Variants in GDAP1L1 observed in about 807,000 individuals in gnomAD.
GDAP1L1 encodes ganglioside induced differentiation associated protein 1 like 1, also known as ganglioside-induced differentiation-associated protein 1-like 1.
Under a neutral mutation model 37.1 loss-of-function variants are expected in GDAP1L1, and 21 were observed. The observed-to-expected ratio is 0.57, with a 90% CI of 0.40 to 0.81. The LOEUF (loss-of-function observed/expected upper bound fraction) is 0.81. GDAP1L1 is among the 40% of genes least tolerant of loss of function. The probability of loss-of-function intolerance (pLI) is 0.00; values close to 1 mark genes in which losing one functional copy is unlikely to be tolerated. For synonymous variants in GDAP1L1, 193 were observed against 209.1 expected, an observed-to-expected ratio of 0.92 and a Z score of 0.67; for missense variants, 362 against 491.6, an observed-to-expected ratio of 0.74 and a Z score of 2.49.
At chr20:44,258,977 A>C in intron 3 of GDAP1L1, among the ~76,000 whole-genome samples, 1 of 143,144 alleles carries the variant, frequency 7.0e-6, no homozygotes, top group Admixed American at 7.3e-5. Context: ...CCCCCCCCAT[A>C]CACAGACTAT....
chr20:44,272,721 T>C (rs1418796832), intron 5 of GDAP1L1, among the ~76,000 whole-genome samples: 1 of 152,114 alleles, frequency 6.6e-6, no homozygotes, highest in Non-Finnish European at 1.5e-5. Flanking sequence ...AACACGGACA[T>C]GCATAGAAGG....
intron 5 of GDAP1L1, among the ~76,000 whole-genome samples, chr20:44,271,330 C>T (rs1367444119): frequency 2.6e-5 from 4 of 152,172 alleles, no homozygotes; most frequent in Non-Finnish European, 4.4e-5. Flanking sequence ...GAGGAGTCAG[C>T]AAAGCCCACT....
At chr20:44,267,242 C>T (rs1312784799) in intron 5 of GDAP1L1, among the ~76,000 whole-genome samples, 2 of 152,156 alleles carry the variant, frequency 1.3e-5, no homozygotes, top group African/African-American at 2.4e-5. Flanking sequence ...GTAATATCAG[C>T]GATCCTGTTT....
chr20:44,256,085 G>C (rs970316934), intron 1 of GDAP1L1, among the ~76,000 whole-genome samples: 1 of 152,242 alleles, frequency 6.6e-6, no homozygotes, highest in African/African-American at 2.4e-5. Flanking sequence ...CCTCAGGGCA[G>C]AGAGCACTGG....
chr20:44,257,604 AC>A (rs1184237927), intron 2 of GDAP1L1, among the ~76,000 whole-genome samples: 5 of 151,324 alleles, frequency 3.3e-5, no homozygotes, highest in Non-Finnish European at 7.4e-5. Context: ...TGACCCAGAC[AC>A]CCCCCCACCA....
intron 3 of GDAP1L1, among the ~76,000 whole-genome samples, chr20:44,259,128 C>T (rs1468889985): frequency 6.6e-6 from 1 of 152,114 alleles, no homozygotes; most frequent in Non-Finnish European, 1.5e-5. Context: ...GTGGCAAGGC[C>T]CCCAGTGAGG....
chr20:44,256,806 C>T (rs1254377219), intron 1 of GDAP1L1, among the ~76,000 whole-genome samples: 3 of 152,126 alleles, frequency 2.0e-5, no homozygotes, highest in African/African-American at 7.2e-5. Flanking sequence ...ACTGTTAATA[C>T]TATCATTTTT....
At chr20:44,273,185 C>T (rs956718010) in intron 5 of GDAP1L1, among the ~76,000 whole-genome samples, 1 of 152,164 alleles carries the variant, frequency 6.6e-6, no homozygotes, top group Non-Finnish European at 1.5e-5. Flanking sequence ...GTTACTTAAC[C>T]TCTCTGTGCC....
chr20:44,269,643 A>T (rs769758644), intron 5 of GDAP1L1, among the ~76,000 whole-genome samples: 1 of 152,112 alleles, frequency 6.6e-6, no homozygotes, highest in Non-Finnish European at 1.5e-5. Context: ...ATCAAAAGTA[A>T]TTCCTGGGCT....
chr20:44,263,582 T>G (rs545046593), intron 4 of GDAP1L1, among the ~76,000 whole-genome samples: 271 of 152,246 alleles, frequency 1.8e-3, no homozygotes, highest in Middle Eastern at 3.4e-3. Flanking sequence ...GGTGGCTCAC[T>G]CCTGTAATCC....
At chr20:44,278,426 G>T (rs1401099925) in intron 5 of GDAP1L1, among the ~76,000 whole-genome samples, 1 of 152,034 alleles carries the variant, frequency 6.6e-6, no homozygotes, top group Non-Finnish European at 1.5e-5. Flanking sequence ...TGTCACCTAG[G>T]CTAGAGTGCA....
chr20:44,258,754 G>T, intron 3 of GDAP1L1, 147 bp downstream of exon 3: 1 of 642,246 alleles, frequency 1.6e-6, no homozygotes, highest in South Asian at 1.9e-5. Context: ...ATTTGTCCCC[G>T]CCTCTCTCTG....
intron 5 of GDAP1L1, among the ~76,000 whole-genome samples, chr20:44,277,041 C>T (rs757393638): frequency 8.6e-5 from 13 of 151,790 alleles, no homozygotes; most frequent in African/African-American, 1.2e-4. Context: ...TTATTTATTT[C>T]GAGATGGGGT....
intron 5 of GDAP1L1, among the ~76,000 whole-genome samples, chr20:44,267,287 C>T (rs1395105292): frequency 1.3e-5 from 2 of 152,158 alleles, no homozygotes; most frequent in African/African-American, 4.8e-5. Flanking sequence ...GAGGAGGAAG[C>T]ACTGGCTCTG....
chr20:44,274,156 G>A (rs2062549058), intron 5 of GDAP1L1, among the ~76,000 whole-genome samples: 1 of 152,038 alleles, frequency 6.6e-6, no homozygotes, highest in African/African-American at 2.4e-5. Context: ...TCCAAGGATG[G>A]AAGGGATTGT....
chr20:44,275,234 C>T (rs2062560912), intron 5 of GDAP1L1, among the ~76,000 whole-genome samples: 1 of 152,168 alleles, frequency 6.6e-6, no homozygotes, highest in African/African-American at 2.4e-5. Context: ...GGATAACCTT[C>T]TGATGAGAGC....
intron 5 of GDAP1L1, among the ~76,000 whole-genome samples, chr20:44,275,694 G>A (rs1217582158): frequency 6.6e-6 from 1 of 152,164 alleles, no homozygotes; most frequent in Non-Finnish European, 1.5e-5. Context: ...ACAGGAACTT[G>A]GACATTAAGG....
intron 5 of GDAP1L1, among the ~76,000 whole-genome samples, chr20:44,273,725 G>T (rs956979212): frequency 1.4e-4 from 22 of 151,964 alleles, no homozygotes; most frequent in African/African-American, 5.1e-4. Context: ...GCTGCCCCAA[G>T]CCTCCCCCCT....
intron 1 of GDAP1L1, among the ~76,000 whole-genome samples, chr20:44,251,436 T>C (rs1450326626): frequency 6.6e-6 from 1 of 152,242 alleles, no homozygotes; most frequent in Non-Finnish European, 1.5e-5. Context: ...GTCTGGGGCC[T>C]GCCAGAGGCC....
Sources: gnomAD v4.1 joint callset for allele counts (sites outside exome capture counted in the v4.1 genomes callset) on GRCh38, gnomAD v4.1.1 for gene constraint, MANE v1.5 for transcripts, NCBI Gene and HGNC (gene_info 2026-07-23, HGNC 2026-07-21) for gene names.